Variants in FAM184A observed in about 807,000 individuals in gnomAD.
The protein encoded by FAM184A is protein FAM184A.
A neutral mutation model predicts 143.8 loss-of-function variants in FAM184A; 99 were observed. The ratio of observed to expected loss-of-function variants is 0.69; its 90% CI spans 0.58 to 0.81. The LOEUF is 0.81. Among genes scored for constraint, FAM184A ranks in the 40% least tolerant of loss-of-function variants. FAM184A has a pLI of 0.00. For missense variants in FAM184A, 1,217 were observed against 1,310.5 expected (o/e 0.93, Z 1.10); for synonymous variants, 427 against 446.4 (o/e 0.96, Z 0.55).
At chr6:119,137,316 GAGAC>G (rs1285378724) in intron 1 of FAM184A, among the ~76,000 whole-genome samples, 4 of 125,954 alleles carry the variant, frequency 3.2e-5, no homozygotes, top group African/African-American at 1.0e-4. Flanking sequence ...CAGATAGAGA[GAGAC>G]AGAGAGAGAG....
At chr6:119,142,322 C>A (rs565140819) in intron 1 of FAM184A, among the ~76,000 whole-genome samples, 1 of 152,124 alleles carries the variant, frequency 6.6e-6, no homozygotes, top group Non-Finnish European at 1.5e-5. Flanking sequence ...TCATCCCAGG[C>A]GCACTGTTTC....
At chr6:119,087,285 CAA>C (rs1407403034) in intron 1 of FAM184A, among the ~76,000 whole-genome samples, 1 of 152,086 alleles carries the variant, frequency 6.6e-6, no homozygotes, top group Non-Finnish European at 1.5e-5. Flanking sequence ...AAGATACTAA[CAA>C]GAGAGTGAAA....
intron 12 of FAM184A, among the ~76,000 whole-genome samples, chr6:118,975,685 T>C (rs1390233224): frequency 1.3e-5 from 2 of 152,254 alleles, no homozygotes; most frequent in Non-Finnish European, 2.9e-5. Context: ...CTCTAGCAGT[T>C]ATCTGACAGT....
intron 1 of FAM184A, among the ~76,000 whole-genome samples, chr6:119,034,051 G>T (rs62421121): frequency 0.11 from 7,664 of 67,820 alleles, 324 homozygotes; most frequent in East Asian, 0.19. Flanking sequence ...TAGAGAGAGA[G>T]AGAGAGAGAG....
chr6:118,962,186 G>C, intron 16 of FAM184A: 1 of 545,324 alleles, frequency 1.8e-6, no homozygotes, highest in South Asian at 2.1e-5. Flanking sequence ...AGGGCAGAAA[G>C]AATGAGGAAG....
At chr6:119,091,358 C>T (rs922561905) in intron 1 of FAM184A, among the ~76,000 whole-genome samples, 1 of 152,186 alleles carries the variant, frequency 6.6e-6, no homozygotes, top group African/African-American at 2.4e-5. Context: ...ATTAGATACA[C>T]GGCATTGGCT....
chr6:119,053,460 C>T (rs1786842924), intron 1 of FAM184A, among the ~76,000 whole-genome samples: 2 of 152,174 alleles, frequency 1.3e-5, no homozygotes, highest in Admixed American at 6.5e-5. Context: ...GCAAAGCAGG[C>T]ACATCTAAAA....
At chr6:119,095,418 G>A (rs1242431999) in intron 1 of FAM184A, among the ~76,000 whole-genome samples, 5 of 152,188 alleles carry the variant, frequency 3.3e-5, no homozygotes. Flanking sequence ...GCAAGTTGTA[G>A]TTATCCAATC....
At chr6:118,977,277 G>T (rs889769140) in intron 11 of FAM184A, among the ~76,000 whole-genome samples, 1 of 152,080 alleles carries the variant, frequency 6.6e-6, no homozygotes, top group African/African-American at 2.4e-5. Context: ...GTGAAAAAAG[G>T]CCAACCTCTA....
intron 5 of FAM184A, among the ~76,000 whole-genome samples, chr6:119,015,357 C>T (rs1318099373): frequency 6.6e-6 from 1 of 152,098 alleles, no homozygotes; most frequent in Non-Finnish European, 1.5e-5. Flanking sequence ...AGGCTGCACG[C>T]AGCACTTGCG....
intron 1 of FAM184A, among the ~76,000 whole-genome samples, chr6:119,134,576 C>A (rs1353591855): frequency 1.3e-5 from 2 of 150,552 alleles, no homozygotes; most frequent in South Asian, 4.2e-4. Flanking sequence ...ATCACTTGAG[C>A]CCAGGAGGTC....
At chr6:119,064,539 C>A (rs1787373124) in intron 1 of FAM184A, among the ~76,000 whole-genome samples, 1 of 152,132 alleles carries the variant, frequency 6.6e-6, no homozygotes, top group Admixed American at 6.6e-5. Flanking sequence ...CATCTCCACA[C>A]AAACACACAC....
At chr6:119,042,971 C>T (rs1786397013) in intron 1 of FAM184A, among the ~76,000 whole-genome samples, 2 of 152,124 alleles carry the variant, frequency 1.3e-5, no homozygotes, top group South Asian at 2.1e-4. Flanking sequence ...GTTCTCCCCA[C>T]ACCTGCCCAA....
chr6:119,018,602 G>A (rs754652133), intron 4 of FAM184A, among the ~76,000 whole-genome samples: 79 of 152,132 alleles, frequency 5.2e-4, no homozygotes, highest in Non-Finnish European at 1.1e-3. Context: ...CTTCTGAAGG[G>A]ACTGAGAAAT....
chr6:119,094,403 G>C (rs1403581136), intron 1 of FAM184A, among the ~76,000 whole-genome samples: 1 of 129,426 alleles, frequency 7.7e-6, no homozygotes, highest in Admixed American at 7.6e-5. Context: ...TTCCACTACT[G>C]TTATAATTAC....
chr6:119,144,485 GCA>G (rs1267263758), intron 1 of FAM184A, among the ~76,000 whole-genome samples: 1 of 152,212 alleles, frequency 6.6e-6, no homozygotes, highest in African/African-American at 2.4e-5. Context: ...CTTCACGCCG[GCA>G]CACACTCTGC....
At chr6:119,119,073 C>T (rs1789138734) in intron 1 of FAM184A, among the ~76,000 whole-genome samples, 2 of 152,178 alleles carry the variant, frequency 1.3e-5, no homozygotes, top group Admixed American at 1.3e-4. Context: ...CCCAGTCTCC[C>T]ATAGCGCCCC....
chr6:119,047,593 G>A (rs1374900627), intron 1 of FAM184A, among the ~76,000 whole-genome samples: 3 of 152,070 alleles, frequency 2.0e-5, no homozygotes, highest in Non-Finnish European at 2.9e-5. Context: ...AAACTACTAC[G>A]AACACCTCTG....
intron 9 of FAM184A, among the ~76,000 whole-genome samples, chr6:118,984,417 A>G (rs568682357): frequency 7.9e-5 from 12 of 151,646 alleles, no homozygotes; most frequent in African/African-American, 2.9e-4. Context: ...GGCTCAAGCG[A>G]TCCTCCTGCC....
Sources: gnomAD v4.1 joint callset for allele counts (sites outside exome capture counted in the v4.1 genomes callset) on GRCh38, gnomAD v4.1.1 for gene constraint, MANE v1.5 for transcripts, NCBI Gene and HGNC (gene_info 2026-07-23, HGNC 2026-07-21) for gene names.